The following GRIK4 variants were observed in gnomAD, a reference collection of about 807,000 sequenced individuals.
GRIK4 encodes the protein glutamate receptor ionotropic, kainate 4.
Under a neutral mutation model 104.9 loss-of-function variants are expected in GRIK4, and 40 were observed. The ratio of observed to expected loss-of-function variants is 0.38; its 90% CI spans 0.30 to 0.50. The LOEUF (loss-of-function observed/expected upper bound fraction) is 0.50, where lower values mean the gene tolerates loss of function less well. Ranked by LOEUF, GRIK4 falls within the 20% of genes least tolerant of loss-of-function variation. GRIK4 has a pLI of 0.93. For missense variants in GRIK4, 1,047 were observed against 1,308.1 expected (o/e 0.80, Z 3.08); for synonymous variants, 485 against 524.9 (o/e 0.92, Z 1.04).
rs376189567 is a variant in GRIK4, at chr11:120,521,693, G to A, written c.-159+9806G>A. Among the ~76,000 whole-genome samples the A allele has an allele frequency of 1.2e-4, 18 of 152,250 alleles. No homozygotes were observed. The East Asian group carries it at 1.9e-3, about 16-fold the overall frequency. On this transcript the variant is annotated intron_variant, in intron 1 of 20. Coordinates refer to ENST00000527524, the MANE Select transcript of GRIK4 (RefSeq NM_014619.5). The stretch of plus-strand genomic sequence containing the variant: ...ATTCCCAAGGTAGAGAATATCACAC[G>A]GAAGAAAGCAGCACTTGTCAGGTAA...
At chr11:120,789,328 T>A (rs762157870) in intron 3 of GRIK4, among the ~76,000 whole-genome samples, 3 of 152,184 alleles carry the variant, frequency 2.0e-5, no homozygotes, top group Non-Finnish European at 4.4e-5. Flanking sequence ...GTATTCTTTA[T>A]CTTGGTCACT....
chr11:120,793,455 G>C (rs1952442264), intron 3 of GRIK4, among the ~76,000 whole-genome samples: 1 of 152,106 alleles, frequency 6.6e-6, no homozygotes, highest in South Asian at 2.1e-4. Context: ...CAGGGGAAAG[G>C]AAGGAAGGCT....
intron 1 of GRIK4, among the ~76,000 whole-genome samples, chr11:120,516,411 T>C (rs929772841): frequency 2.6e-5 from 4 of 151,848 alleles, no homozygotes; most frequent in Non-Finnish European, 4.4e-5. Context: ...GACTGGGCGC[T>C]CGGGCACAGG....
At chr11:120,871,975 C>T (rs1215475704) in intron 9 of GRIK4, 2 of 452,224 alleles carry the variant, frequency 4.4e-6, no homozygotes, top group South Asian at 1.6e-5. Context: ...CCTGGCCCAA[C>T]ATGTAGCAAA....
Position 120,961,090 on chromosome 11 carries a change from T to A in GRIK4, c.2040+16T>A. The stretch of plus-strand genomic sequence containing the variant: ...CTTCTTCCAAGTAAACCCCATTTGG[T>A]TGCTCACCAGCATCGGGAATTGGGC... On this transcript the variant is annotated intron_variant, in intron 17 of 20. Transcript: ENST00000527524. 6.2e-7 allele frequency: 1 copy of A among 1,611,410 alleles called. No homozygotes were observed. Among genetic ancestry groups the A allele is most frequent in the Non-Finnish European group, 8.5e-7 (1 of 1,178,100 alleles).
At chr11:120,626,842 T>C (rs1378556444) in intron 1 of GRIK4, among the ~76,000 whole-genome samples, 1 of 152,202 alleles carries the variant, frequency 6.6e-6, no homozygotes, top group Non-Finnish European at 1.5e-5. Context: ...TCAAGGGCTT[T>C]GTAGGGCAAA....
intron 3 of GRIK4, among the ~76,000 whole-genome samples, chr11:120,736,321 G>A (rs1324007355): frequency 1.3e-5 from 2 of 152,124 alleles, no homozygotes; most frequent in Non-Finnish European, 2.9e-5. Flanking sequence ...AGACAAAGTT[G>A]TCTTTACTCT....
chr11:120,949,120 T>G (rs991858294), intron 14 of GRIK4, among the ~76,000 whole-genome samples: 1 of 152,154 alleles, frequency 6.6e-6, no homozygotes, highest in East Asian at 1.9e-4. Context: ...CCAGTATATA[T>G]AGAGTGAAGT....
At chr11:120,535,466 G>A (rs1452591118) in intron 1 of GRIK4, among the ~76,000 whole-genome samples, 1 of 152,064 alleles carries the variant, frequency 6.6e-6, no homozygotes, top group Non-Finnish European at 1.5e-5. Context: ...CCCCCACCCA[G>A]GATCCTGGAG....
intron 11 of GRIK4, among the ~76,000 whole-genome samples, chr11:120,896,029 C>T (rs1315855037): frequency 1.3e-5 from 2 of 152,220 alleles, no homozygotes; most frequent in Non-Finnish European, 2.9e-5. Context: ...TCACCAACAA[C>T]AGCAATCTGC....
chr11:120,904,253 C>T (rs559915083), intron 12 of GRIK4, among the ~76,000 whole-genome samples: 264 of 152,196 alleles, frequency 1.7e-3, no homozygotes, highest in Non-Finnish European at 2.8e-3. Context: ...AGCCTGCCAG[C>T]ACCTCAGATT....
rs540882061 is a variant in GRIK4, at chr11:120,835,893, G to A, written c.691-898G>A. ...ACAAAAGGGAGACTCTTCTGATGTA[G>A]CAGTTCTCAACTGTGGAGTGATGCC... On this transcript the variant is annotated intron_variant, in intron 7 of 20. Coordinates refer to ENST00000527524, the MANE Select transcript of GRIK4 (RefSeq NM_014619.5). Among the ~76,000 whole-genome samples the A allele has an allele frequency of 1.9e-4, 29 of 152,338 alleles. No individual in the cohort carries two copies. The South Asian group carries it at 6.0e-3, about 32-fold the overall frequency.
At chr11:120,620,005 G>T in intron 1 of GRIK4, 1 of 521,944 alleles carries the variant, frequency 1.9e-6, no homozygotes, top group South Asian at 3.1e-5. Context: ...TGGGAATCTC[G>T]GTGGAGCTGT....
At chr11:120,984,334 C>T (rs991506487) in intron 20 of GRIK4, among the ~76,000 whole-genome samples, 1 of 152,190 alleles carries the variant, frequency 6.6e-6, no homozygotes, top group African/African-American at 2.4e-5. Flanking sequence ...CTCAACAGAG[C>T]ATGTACAGGC....
chr11:120,859,254 G>A (rs1298202899), intron 8 of GRIK4: 1 of 152,100 alleles, frequency 6.6e-6, no homozygotes, highest in Non-Finnish European at 1.5e-5. Flanking sequence ...CCAAATAGGA[G>A]GCTAAGCTTT....
At chr11:120,711,005 G>GGGA (rs1555046807) in intron 3 of GRIK4, among the ~76,000 whole-genome samples, 8 of 150,136 alleles carry the variant, frequency 5.3e-5, no homozygotes, top group Admixed American at 5.2e-4. Context: ...GGTGGGGAGG[G>GGGA]GGTGTGAGCA....
intron 1 of GRIK4, among the ~76,000 whole-genome samples, chr11:120,646,604 T>C (rs1204597000): frequency 6.6e-6 from 1 of 152,226 alleles, no homozygotes; most frequent in African/African-American, 2.4e-5. Context: ...TTCACTTTTA[T>C]TAATTAATCA....
intron 7 of GRIK4, among the ~76,000 whole-genome samples, chr11:120,835,173 A>G (rs1449111691): frequency 6.6e-6 from 1 of 152,198 alleles, no homozygotes; most frequent in Admixed American, 6.5e-5. Flanking sequence ...TCCCATTGGA[A>G]CAACCATGAT....
rs1947838453 is a variant in GRIK4, at chr11:120,524,774, G to A, written c.-159+12887G>A. On this transcript the variant is annotated intron_variant, in intron 1 of 20. Transcript: ENST00000527524. The surrounding 1 kb of genome is among the most constrained non-coding windows in gnomAD (Gnocchi z 4.5). Reference sequence around the variant, plus strand: ...ACCCAGTGTGAGCTAGGGGCTGCCTGCATCCTGGGGGCATTTATCATCACG... The same window carrying A: ...ACCCAGTGTGAGCTAGGGGCTGCCTACATCCTGGGGGCATTTATCATCACG... Among the ~76,000 whole-genome samples, 2 of 152,336 alleles carry A rather than the reference G, an allele frequency of 1.3e-5. No homozygotes were observed. The highest frequency in any genetic ancestry group is 1.5e-5 in the Non-Finnish European group (1 of 68,034).
Sources: gnomAD v4.1 joint callset for allele counts (sites outside exome capture counted in the v4.1 genomes callset) on GRCh38, gnomAD v4.1.1 for gene constraint, Gnocchi (gnomAD v3.1) non-coding constraint, MANE v1.5 for transcripts, NCBI Gene and HGNC (gene_info 2026-07-23, HGNC 2026-07-21) for gene names.